ZNF385D: variants seen among roughly 807,000 people sequenced by gnomAD.
ZNF385D encodes the protein zinc finger protein 385D.
Under a neutral mutation model 35.8 loss-of-function variants are expected in ZNF385D, and 15 were observed. That is an observed-to-expected ratio of 0.42 (90% confidence interval 0.28 to 0.64). ZNF385D has a LOEUF of 0.64. Ranked by LOEUF, ZNF385D falls within the 30% of genes least tolerant of loss-of-function variation. The pLI, the probability that ZNF385D is intolerant of heterozygous loss-of-function variation, is 0.23. For missense variants in ZNF385D, 474 were observed against 494.6 expected (o/e 0.96, Z 0.39); for synonymous variants, 212 against 186.8 (o/e 1.13, Z -1.10).
At chr3:22,205,512 C>T (rs1361365282) in intron 2 of ZNF385D, among the ~76,000 whole-genome samples, 2 of 151,820 alleles carry the variant, frequency 1.3e-5, no homozygotes, top group Non-Finnish European at 2.9e-5. Context: ...GTAAACTATG[C>T]ATATCTTAAG....
chr3:21,694,803 G>T (rs1575476587), intron 1 of ZNF385D, among the ~76,000 whole-genome samples: 1 of 152,154 alleles, frequency 6.6e-6, no homozygotes, highest in South Asian at 2.1e-4. Context: ...TACTAACTGT[G>T]TAGTGTCGGG....
intron 2 of ZNF385D, among the ~76,000 whole-genome samples, chr3:21,604,069 G>GC (rs1441342188): frequency 1.3e-5 from 2 of 152,184 alleles, no homozygotes; most frequent in African/African-American, 4.8e-5. Context: ...CAGAACTGCT[G>GC]CTTTGGTAAG....
intron 4 of ZNF385D, among the ~76,000 whole-genome samples, chr3:21,442,280 G>A (rs893670347): frequency 6.6e-6 from 1 of 152,118 alleles, no homozygotes; most frequent in Non-Finnish European, 1.5e-5. Context: ...AGTTACTAGA[G>A]TTTCCTCTCA....
intron 3 of ZNF385D, among the ~76,000 whole-genome samples, chr3:21,814,087 T>C (rs951885675): frequency 2.6e-5 from 4 of 152,148 alleles, no homozygotes; most frequent in African/African-American, 4.8e-5. Flanking sequence ...GAATTTCATA[T>C]CCAGCCAAAC....
chr3:22,268,923 G>C (rs886489254), intron 2 of ZNF385D, among the ~76,000 whole-genome samples: 2 of 151,856 alleles, frequency 1.3e-5, no homozygotes, highest in African/African-American at 4.8e-5. Context: ...GATATAATCA[G>C]CTAATGCAGG....
intron 2 of ZNF385D, among the ~76,000 whole-genome samples, chr3:22,207,032 A>G (rs1411039259): frequency 6.6e-6 from 1 of 151,892 alleles, no homozygotes; most frequent in East Asian, 1.9e-4. Context: ...ATAAATAAAT[A>G]AAGAAGAGCC....
chr3:21,421,408 C>G lies in ZNF385D; in HGVS notation c.994G>C (p.Ala332Pro), dbSNP rs754822597. The change falls in exon 8 of 8, where the codon GCT becomes CCT. Residue 332 changes from alanine to proline, a missense_variant. Ala to Pro is a conservative substitution (Grantham distance 27). Transcript: ENST00000281523. ...AGAGGATTTGGTAGAATTCGTGGAG[C>G]CAATGGCTTTGAAGGTTCTTTTGAA... is the stretch of plus-strand genomic sequence containing the variant. ...VFSKEPSKPL[A>P]PRILPNPLAA... 6.2e-7 allele frequency: 1 copy of G among 1,613,640 alleles called. No individual in the cohort carries two copies. Among genetic ancestry groups the G allele is most frequent in the African/African-American group, 1.3e-5 (1 of 74,964 alleles).
chr3:22,106,546 G>C (rs1027788970), intron 3 of ZNF385D, among the ~76,000 whole-genome samples: 4 of 151,984 alleles, frequency 2.6e-5, no homozygotes, highest in Non-Finnish European at 5.9e-5. Flanking sequence ...TTAGCTCCTG[G>C]GCATCTGATT....
intron 4 of ZNF385D, among the ~76,000 whole-genome samples, chr3:21,463,593 G>A (rs953764406): frequency 2.0e-4 from 31 of 152,130 alleles, no homozygotes; most frequent in Admixed American, 1.5e-3. Flanking sequence ...TGAAGACAGG[G>A]CCCTCTAGAA....
intron 3 of ZNF385D, among the ~76,000 whole-genome samples, chr3:21,842,915 G>A (rs1483875885): frequency 6.6e-5 from 10 of 152,002 alleles, no homozygotes; most frequent in African/African-American, 1.2e-4. Flanking sequence ...AGACATGGTT[G>A]GCGCACTTCT....
intron 5 of ZNF385D, among the ~76,000 whole-genome samples, chr3:21,435,139 T>G (rs916715826): frequency 1.3e-5 from 2 of 151,950 alleles, no homozygotes; most frequent in African/African-American, 4.8e-5. Context: ...ACACACAAAG[T>G]AGAGATAAGG....
intron 3 of ZNF385D, among the ~76,000 whole-genome samples, chr3:21,864,721 C>T (rs1564412): frequency 0.42 from 63,323 of 151,832 alleles, 13,435 homozygotes; most frequent in Non-Finnish European, 0.43. Context: ...AACTACAAAG[C>T]TCTCCATTCC....
intron 3 of ZNF385D, chr3:22,168,793 G>A: frequency 1.0e-6 from 1 of 983,468 alleles, no homozygotes; most frequent in South Asian, 4.7e-5. Flanking sequence ...GTAAAATTGA[G>A]AAAATATTTT....
intron 3 of ZNF385D, among the ~76,000 whole-genome samples, chr3:22,110,951 A>AT (rs1702487721): frequency 6.6e-6 from 1 of 152,008 alleles, no homozygotes; most frequent in South Asian, 2.1e-4. Flanking sequence ...TTTACAGATG[A>AT]TTTTGAAAAG....
At chr3:21,591,590 C>G (rs553990891) in intron 2 of ZNF385D, among the ~76,000 whole-genome samples, 52 of 152,198 alleles carry the variant, frequency 3.4e-4, no homozygotes, top group Middle Eastern at 6.8e-3. Flanking sequence ...TAAGTATTTG[C>G]TACATTGTCC....
At chr3:22,117,260 A>G (rs1398692971) in intron 3 of ZNF385D, among the ~76,000 whole-genome samples, 1 of 152,080 alleles carries the variant, frequency 6.6e-6, no homozygotes. Context: ...CTAGGGGATT[A>G]AATAGGAACT....
intron 3 of ZNF385D, among the ~76,000 whole-genome samples, chr3:22,128,726 A>T (rs548017226): frequency 1.3e-5 from 2 of 152,250 alleles, no homozygotes; most frequent in Non-Finnish European, 2.9e-5. Flanking sequence ...GAGCAGCTCC[A>T]GAATTTCTGC....
chr3:22,127,317 C>CCTTTTTTTTTTTTTTTTTTTTTT (rs1703492425), intron 3 of ZNF385D, among the ~76,000 whole-genome samples: 1 of 56,308 alleles, frequency 1.8e-5, no homozygotes, highest in African/African-American at 7.9e-5. Flanking sequence ...TCATTTCCTG[C>CCTTTTTTTTTTTTTTTTTTTTTT]TTTTTTTTTT....
intron 5 of ZNF385D, among the ~76,000 whole-genome samples, chr3:21,432,144 T>G (rs1701320102): frequency 6.6e-6 from 1 of 152,182 alleles, no homozygotes; most frequent in Admixed American, 6.6e-5. Flanking sequence ...GGTTTCTTTG[T>G]GCTTCAATGT....
Sources: allele counts gnomAD v4.1 joint callset (sites outside exome capture counted in the v4.1 genomes callset), GRCh38; gene constraint gnomAD v4.1.1; transcripts MANE v1.5; gene names NCBI Gene and HGNC (gene_info 2026-07-23, HGNC 2026-07-21).